The following KLHDC10 variants were observed in gnomAD, a reference collection of about 807,000 sequenced individuals.
The protein encoded by KLHDC10 is kelch domain-containing protein 10.
Under a neutral mutation model 56.1 loss-of-function variants are expected in KLHDC10, and 24 were observed. That is an observed-to-expected ratio of 0.43 (90% CI 0.31 to 0.60). The LOEUF (loss-of-function observed/expected upper bound fraction) is 0.60, where lower values mean the gene tolerates loss of function less well. Among genes scored for constraint, KLHDC10 ranks in the 20% least tolerant of loss-of-function variants. The probability of loss-of-function intolerance (pLI) is 0.11; values close to 1 mark genes in which losing one functional copy is unlikely to be tolerated. For missense variants in KLHDC10, 349 were observed against 567.0 expected (o/e 0.62, Z 3.91); for synonymous variants, 188 against 207.1 (o/e 0.91, Z 0.79).
chr7:130,101,969 T>TAAAAAAAAAAA (rs10579051), intron 2 of KLHDC10, among the ~76,000 whole-genome samples: 1 of 73,728 alleles, frequency 1.4e-5, no homozygotes, highest in Non-Finnish European at 2.4e-5. Context: ...GACTCCCTCT[T>TAAAAAAAAAAA]AAAAAAAAAA....
intron 1 of KLHDC10, among the ~76,000 whole-genome samples, chr7:130,079,962 C>CTCCT (rs1795580296): frequency 6.9e-6 from 1 of 144,818 alleles, no homozygotes; most frequent in African/African-American, 2.6e-5. Flanking sequence ...CCCTTTCTTC[C>CTCCT]TCCCTCCCTC....
At chr7:130,074,230 C>A (rs1795465011) in intron 1 of KLHDC10, among the ~76,000 whole-genome samples, 1 of 152,174 alleles carries the variant, frequency 6.6e-6, no homozygotes, top group Non-Finnish European at 1.5e-5. Context: ...CTTCTTACTC[C>A]TCATTCCATT....
intron 6 of KLHDC10, among the ~76,000 whole-genome samples, chr7:130,124,999 A>G (rs994309468): frequency 4.6e-5 from 7 of 152,220 alleles, no homozygotes; most frequent in Non-Finnish European, 5.9e-5. Flanking sequence ...TCATAGTCAC[A>G]CATCCCAGGG....
chr7:130,125,847 T>G lies in KLHDC10; in HGVS notation c.865-18T>G, dbSNP rs559149152. 2.7e-5 allele frequency: 42 copies of G among 1,576,608 alleles called. No homozygotes were observed. The African/African-American group carries it at 3.0e-4, about 11-fold the overall frequency. On this transcript the variant is annotated intron_variant, in intron 6 of 9. Transcript: ENST00000335420. ...ACAATTATTTATGTATGTGTATATG[T>G]TCTTTTTTTTCTCCAAGATCCATGC...
At chr7:130,102,782 C>T (rs536579132) in intron 2 of KLHDC10, among the ~76,000 whole-genome samples, 34 of 152,068 alleles carry the variant, frequency 2.2e-4, no homozygotes, top group African/African-American at 7.2e-4. Flanking sequence ...GATGAGATCG[C>T]GCCATTGCAC....
chr7:130,108,008 C>A (rs1225027125), intron 2 of KLHDC10, among the ~76,000 whole-genome samples: 1 of 150,068 alleles, frequency 6.7e-6, no homozygotes, highest in Non-Finnish European at 1.5e-5. Flanking sequence ...GAGCAAGACT[C>A]CGTCTCCAAA....
In KLHDC10 at chr7:130,122,296, A is replaced by G. The variant is rs951942146; in HGVS notation, c.779+94A>G. ...AATATGAAGAAAACCCTTTGGCCCCAGTTAGAATAACTAACTGGCTGTTGG... is the reference window on the plus strand; with the variant it reads ...AATATGAAGAAAACCCTTTGGCCCCGGTTAGAATAACTAACTGGCTGTTGG... On this transcript the variant is annotated intron_variant, in intron 5 of 9. Transcript: ENST00000335420. 8.3e-5 allele frequency: 100 copies of G among 1,206,048 alleles called. 1 individual carries two copies. In the African/African-American group the frequency reaches 1.4e-3, roughly 17 times the overall value. 74.7% of individuals were successfully genotyped at this position (1,206,048 alleles called of 1,614,324 possible).
At position 130,076,573 on chromosome 7, in the gene KLHDC10, C is replaced by G. The variant is rs1337780267; in HGVS notation, c.166+5764C>G. Among the ~76,000 whole-genome samples, 12 of 152,008 alleles carry G rather than the reference C, an allele frequency of 7.9e-5. 1 individual carries two copies. Among genetic ancestry groups the G allele is most frequent in the Admixed American group, 7.9e-4 (12 of 15,256 alleles). On this transcript the variant is annotated intron_variant, in intron 1 of 9. Coordinates refer to ENST00000335420, the MANE Select transcript of KLHDC10 (RefSeq NM_014997.4). ...CAAATTAAATATTCTTGTGTTTTCT[C>G]CAGGTACTTCTGTAATTTTATTTTT...
At chr7:130,128,382 C>G (rs757162307) in intron 8 of KLHDC10, among the ~76,000 whole-genome samples, 56 of 152,156 alleles carry the variant, frequency 3.7e-4, no homozygotes, top group Non-Finnish European at 6.6e-4. Context: ...AACCTTAGTT[C>G]TAGGCATTTC....
At chr7:130,106,100 C>G (rs1796004112) in intron 2 of KLHDC10, among the ~76,000 whole-genome samples, 2 of 152,114 alleles carry the variant, frequency 1.3e-5, no homozygotes. Flanking sequence ...GAGCCAAGAT[C>G]ACGCCGTTGC....
intron 1 of KLHDC10, among the ~76,000 whole-genome samples, chr7:130,079,863 TC>T (rs1795576218): frequency 7.1e-6 from 1 of 139,988 alleles, no homozygotes; most frequent in African/African-American, 2.7e-5. Flanking sequence ...CCTCCCTTCC[TC>T]CCTTTCTTCC....
chr7:130,077,676 C>T (rs1795533166), intron 1 of KLHDC10, among the ~76,000 whole-genome samples: 1 of 151,124 alleles, frequency 6.6e-6, no homozygotes, highest in African/African-American at 2.4e-5. Flanking sequence ...CTGCCTCAGC[C>T]TCCCAAGTAG....
rs7781343 is a variant in KLHDC10 at position 130,112,523 on chromosome 7, A to G, written c.254-3922A>G. On this transcript the variant is annotated intron_variant, in intron 2 of 9. Transcript: ENST00000335420. ...AGCAAGTAATTTTTAGGAAAATGGGATTTGCAGATGGAGAAGTTGGGGGAG... is the reference window on the plus strand; with the variant it reads ...AGCAAGTAATTTTTAGGAAAATGGGGTTTGCAGATGGAGAAGTTGGGGGAG... Among the ~76,000 whole-genome samples the G allele has an allele frequency of 9.4e-3, 1,429 of 152,250 alleles. 16 individuals carry two copies. The highest frequency in any genetic ancestry group is 0.033 in the African/African-American group (1,354 of 41,544).
chr7:130,105,270 A>G (rs979145411), intron 2 of KLHDC10, among the ~76,000 whole-genome samples: 11 of 152,356 alleles, frequency 7.2e-5, no homozygotes, highest in South Asian at 4.1e-4. Context: ...GCCAACAGAA[A>G]TGTGAGCCCC....
chr7:130,082,647 C>T (rs1040157451), intron 1 of KLHDC10, among the ~76,000 whole-genome samples: 7 of 152,194 alleles, frequency 4.6e-5, no homozygotes, highest in Admixed American at 1.3e-4. Flanking sequence ...CTCTCTGTTA[C>T]AGCCAGGCTT....
rs1156772908 is a variant in KLHDC10 at position 130,134,328 on chromosome 7, AT to A, written c.*3584del. The A allele has an allele frequency of 1.3e-5, 2 of 152,242 alleles. No individual in the cohort carries two copies. Among genetic ancestry groups the A allele is most frequent in the South Asian group, 4.1e-4 (2 of 4,830 alleles). The allele number at this position is 152,242 out of a possible 1,614,324, so 9.4% of individuals were successfully genotyped here. A position where few individuals can be genotyped will look rare whatever the true frequency, so the allele number is the denominator to read the frequency against. ...TGAACAATTAGAGTTGAATGCTGAA[AT>A]TAGGAACCACAGGTGGTAATCCTGA... is the stretch of plus-strand genomic sequence containing the variant. On this transcript the variant is annotated 3_prime_UTR_variant, in exon 10 of 10. Coordinates refer to ENST00000335420, the MANE Select transcript of KLHDC10 (RefSeq NM_014997.4).
intron 1 of KLHDC10, among the ~76,000 whole-genome samples, chr7:130,079,143 C>T (rs969550013): frequency 4.0e-5 from 6 of 151,562 alleles, no homozygotes; most frequent in South Asian, 2.1e-4. Flanking sequence ...CTGCAACATC[C>T]GCCTCCTGGG....
chr7:130,117,026 G>C (rs1796177597), intron 3 of KLHDC10, among the ~76,000 whole-genome samples: 1 of 152,124 alleles, frequency 6.6e-6, no homozygotes, highest in Non-Finnish European at 1.5e-5. Context: ...GATGTCCTGG[G>C]TTTAGTTTCA....
intron 2 of KLHDC10, among the ~76,000 whole-genome samples, chr7:130,112,033 T>A (rs1315579735): frequency 2.0e-5 from 3 of 152,192 alleles, no homozygotes; most frequent in Admixed American, 6.5e-5. Context: ...CTATTAAAAA[T>A]TTTTTGTTTT....
Sources: allele counts gnomAD v4.1 joint callset (sites outside exome capture counted in the v4.1 genomes callset), GRCh38; gene constraint gnomAD v4.1.1; transcripts MANE v1.5; gene names NCBI Gene and HGNC (gene_info 2026-07-23, HGNC 2026-07-21).